The following CADM2 variants were observed in gnomAD, a reference collection of about 807,000 sequenced individuals.
CADM2 encodes cell adhesion molecule 2.
CADM2 carries 12 observed loss-of-function variants against 49.8 expected under a neutral mutation model. That is an observed-to-expected ratio of 0.24 (90% CI 0.15 to 0.39). The LOEUF (loss-of-function observed/expected upper bound fraction) is 0.39, where lower values mean the gene tolerates loss of function less well. Among genes scored for constraint, CADM2 ranks in the 10% least tolerant of loss-of-function variants. CADM2 has a pLI of 1.00. For synonymous variants in CADM2, 214 were observed against 175.4 expected, an observed-to-expected ratio of 1.22 and a Z score of -1.74; for missense variants, 378 against 492.3, an observed-to-expected ratio of 0.77 and a Z score of 2.20.
intron 3 of CADM2, among the ~76,000 whole-genome samples, chr3:85,826,970 G>T (rs1179635044): frequency 6.6e-6 from 1 of 151,838 alleles, no homozygotes; most frequent in East Asian, 1.9e-4. Context: ...ATGTAGTTAG[G>T]AACTGTTGAG....
chr3:85,490,717 A>G (rs958753908), intron 1 of CADM2, among the ~76,000 whole-genome samples: 2 of 152,210 alleles, frequency 1.3e-5, no homozygotes, highest in Admixed American at 1.3e-4. Flanking sequence ...TATTTAACAT[A>G]AAGTGTTGAC....
intron 1 of CADM2, among the ~76,000 whole-genome samples, chr3:85,422,002 A>G (rs184038145): frequency 6.6e-6 from 1 of 152,294 alleles, no homozygotes; most frequent in African/African-American, 2.4e-5. Flanking sequence ...TATCTTCTTT[A>G]TTCTTTCCCG....
At chr3:85,418,045 A>G (rs950798947) in intron 1 of CADM2, among the ~76,000 whole-genome samples, 6 of 152,122 alleles carry the variant, frequency 3.9e-5, no homozygotes, top group Admixed American at 2.0e-4. Flanking sequence ...TACAAGTTTT[A>G]TTATAAACAT....
chr3:85,925,993 C>T (rs1293465895), intron 6 of CADM2, among the ~76,000 whole-genome samples: 4 of 151,548 alleles, frequency 2.6e-5, no homozygotes, highest in African/African-American at 4.9e-5. Context: ...AAAAAATGAC[C>T]GGGCGTGGTG....
chr3:85,014,301 C>T (rs1373278258), intron 1 of CADM2, among the ~76,000 whole-genome samples: 3 of 151,234 alleles, frequency 2.0e-5, no homozygotes, highest in Non-Finnish European at 4.4e-5. Flanking sequence ...AAAGGGACCA[C>T]CTTCTCATCA....
chr3:85,091,030 G>C (rs1447101515), intron 1 of CADM2, among the ~76,000 whole-genome samples: 1 of 152,140 alleles, frequency 6.6e-6, no homozygotes, highest in African/African-American at 2.4e-5. Context: ...AGTTAACCTA[G>C]GGTTATTGAT....
At chr3:85,441,050 T>C (rs1384208730) in intron 1 of CADM2, among the ~76,000 whole-genome samples, 2 of 152,150 alleles carry the variant, frequency 1.3e-5, no homozygotes, top group Non-Finnish European at 2.9e-5. Context: ...ACCAATATTT[T>C]AATTATTAGA....
At chr3:85,080,212 T>C (rs562917349) in intron 1 of CADM2, among the ~76,000 whole-genome samples, 1 of 152,086 alleles carries the variant, frequency 6.6e-6, no homozygotes, top group South Asian at 2.1e-4. Flanking sequence ...CTTTACAACA[T>C]TACATATAGA....
At chr3:85,894,282 G>A (rs1434743629) in intron 5 of CADM2, among the ~76,000 whole-genome samples, 1 of 152,120 alleles carries the variant, frequency 6.6e-6, no homozygotes, top group Non-Finnish European at 1.5e-5. Flanking sequence ...TCACTCATAT[G>A]TGGGAATTGA....
chr3:85,848,798 A>ATTT (rs1241674025), intron 3 of CADM2, among the ~76,000 whole-genome samples: 4 of 152,216 alleles, frequency 2.6e-5, no homozygotes, highest in African/African-American at 9.6e-5. Flanking sequence ...GGTTTTATTT[A>ATTT]ATGAACAACT....
chr3:85,361,879 G>A lies in CADM2; in HGVS notation c.62-364643G>A, dbSNP rs116010568. ...TTTCCTTTGTGTTAGTCTGTGGATA[G>A]ATGGCCATCTCGACCACATGACTTA... On this transcript the variant is annotated intron_variant, in intron 1 of 9. Coordinates refer to ENST00000383699, the MANE Select transcript of CADM2 (RefSeq NM_001167675.2). Among the ~76,000 whole-genome samples the A allele has an allele frequency of 4.1e-3, 617 of 152,270 alleles. 4 individuals carry two copies. The highest frequency in any genetic ancestry group is 0.013 in the African/African-American group (530 of 41,548).
intron 8 of CADM2, among the ~76,000 whole-genome samples, chr3:85,995,617 A>G (rs1729284079): frequency 6.6e-6 from 1 of 152,220 alleles, no homozygotes; most frequent in Non-Finnish European, 1.5e-5. Flanking sequence ...ACTTATGACC[A>G]TACACTATTT....
chr3:85,999,270 T>G (rs57067838), intron 8 of CADM2, among the ~76,000 whole-genome samples: 100,681 of 133,488 alleles, frequency 0.75, 39,312 homozygotes, highest in East Asian at 0.9. Context: ...AGGCCGAGGG[T>G]TGGGGGGTGG....
At chr3:86,007,611 C>A (rs775513909) in intron 8 of CADM2, among the ~76,000 whole-genome samples, 1 of 152,090 alleles carries the variant, frequency 6.6e-6, no homozygotes, top group Non-Finnish European at 1.5e-5. Flanking sequence ...TAAGCAAATG[C>A]CATTTAAAAG....
At chr3:85,312,887 T>C (rs1336047504) in intron 1 of CADM2, among the ~76,000 whole-genome samples, 1 of 152,290 alleles carries the variant, frequency 6.6e-6, no homozygotes, top group South Asian at 2.1e-4. Context: ...CAAAATATTA[T>C]GTATTAAGAA....
At chr3:86,024,202 T>C (rs1026566382) in intron 8 of CADM2, among the ~76,000 whole-genome samples, 2 of 152,192 alleles carry the variant, frequency 1.3e-5, no homozygotes, top group African/African-American at 4.8e-5. Context: ...CCCACCATAG[T>C]AGGCTGACCC....
intron 8 of CADM2, chr3:85,994,398 G>A (rs187888994): frequency 2.0e-5 from 3 of 152,122 alleles, no homozygotes; most frequent in Non-Finnish European, 2.9e-5. Flanking sequence ...TGGCAGATTT[G>A]GTCTTAATCA....
intron 1 of CADM2, among the ~76,000 whole-genome samples, chr3:85,298,464 A>G (rs572854993): frequency 6.6e-6 from 1 of 152,178 alleles, no homozygotes; most frequent in East Asian, 1.9e-4. Context: ...ATGCATGTAT[A>G]CTTAGTGATT....
chr3:85,163,412 A>G (rs1164343608), intron 1 of CADM2, among the ~76,000 whole-genome samples: 1 of 152,118 alleles, frequency 6.6e-6, no homozygotes, highest in Non-Finnish European at 1.5e-5. Context: ...TGAAGCAGGA[A>G]AGAATTCACT....
Sources: allele counts gnomAD v4.1 joint callset (sites outside exome capture counted in the v4.1 genomes callset), GRCh38; gene constraint gnomAD v4.1.1; transcripts MANE v1.5; gene names NCBI Gene and HGNC (gene_info 2026-07-23, HGNC 2026-07-21).